The following TRAPPC9 variants were observed in gnomAD, a reference collection of about 807,000 sequenced individuals.
TRAPPC9 encodes the protein trafficking protein particle complex subunit 9.
TRAPPC9 carries 83 observed loss-of-function variants against 124.0 expected under a neutral mutation model. The ratio of observed to expected loss-of-function variants is 0.67; its 90% CI spans 0.56 to 0.80. TRAPPC9 has a LOEUF of 0.80. Among genes scored for constraint, TRAPPC9 ranks in the 30% least tolerant of loss-of-function variants. The pLI, the probability that TRAPPC9 is intolerant of heterozygous loss-of-function variation, is 0.00. For synonymous variants in TRAPPC9, 638 were observed against 617.5 expected, an observed-to-expected ratio of 1.03 and a Z score of -0.49; for missense variants, 1,302 against 1,508.3, an observed-to-expected ratio of 0.86 and a Z score of 2.27.
intron 16 of TRAPPC9, among the ~76,000 whole-genome samples, chr8:140,232,370 G>C (rs2063620111): frequency 6.6e-6 from 1 of 152,064 alleles, no homozygotes; most frequent in African/African-American, 2.4e-5. Context: ...CAAGTGGAGG[G>C]AGGAGGAACT....
At chr8:140,287,853 C>G (rs1478649302) in intron 12 of TRAPPC9, 119 bp from the exon 13 acceptor site, 9 of 1,401,536 alleles carry the variant, frequency 6.4e-6, no homozygotes, top group Non-Finnish European at 9.0e-6. Context: ...AAATCACCAA[C>G]AGTCTTCACA....
intron 7 of TRAPPC9, among the ~76,000 whole-genome samples, chr8:140,377,814 G>T (rs1012561724): frequency 2.0e-5 from 3 of 152,128 alleles, no homozygotes; most frequent in African/African-American, 7.2e-5. Context: ...TGTCAGATTA[G>T]ATGGACACGG....
intron 19 of TRAPPC9, among the ~76,000 whole-genome samples, chr8:139,916,931 C>T (rs1832173721): frequency 6.6e-6 from 1 of 152,144 alleles, no homozygotes; most frequent in East Asian, 1.9e-4. Context: ...ATATGTGAAT[C>T]GATTGCCTGT....
intron 19 of TRAPPC9, among the ~76,000 whole-genome samples, chr8:139,916,187 C>T (rs773265641): frequency 1.7e-4 from 26 of 152,242 alleles, no homozygotes; most frequent in Non-Finnish European, 2.9e-4. Flanking sequence ...TAGTCACCTT[C>T]GCTCACAATT....
intron 11 of TRAPPC9, among the ~76,000 whole-genome samples, chr8:140,298,538 C>T (rs891396202): frequency 3.3e-5 from 5 of 152,040 alleles, no homozygotes; most frequent in African/African-American, 1.2e-4. Flanking sequence ...TGTGGTCCCA[C>T]CCACTCGGGA....
chr8:139,988,148 G>A (rs909982882), intron 19 of TRAPPC9, among the ~76,000 whole-genome samples: 27 of 131,682 alleles, frequency 2.1e-4, no homozygotes, highest in African/African-American at 4.1e-4. Flanking sequence ...TCGCTCTGTC[G>A]CCCAGGCTGG....
intron 17 of TRAPPC9, chr8:140,095,417 AAC>A (rs1389087553): frequency 6.6e-6 from 1 of 152,200 alleles, no homozygotes; most frequent in Non-Finnish European, 1.5e-5. Context: ...TGTAATCTTG[AAC>A]AGTTACATTA....
At chr8:140,444,323 C>G (rs1040374942) in intron 2 of TRAPPC9, among the ~76,000 whole-genome samples, 32 of 152,062 alleles carry the variant, frequency 2.1e-4, no homozygotes, top group Admixed American at 1.5e-3. Context: ...CAGAACTATC[C>G]AACAGTCCCT....
In TRAPPC9 at chr8:140,252,809, CAGG is replaced by C. The variant is rs759859569; in HGVS notation, c.2396_2398del (p.Ser799del). ...GAGATCCTGCAGGAGATTCTCCTGG[CAGG>C]AGAAATCCAGCTTCACTTTGATGTT... On this transcript the variant is annotated inframe_deletion, in exon 16 of 23. Transcript: ENST00000438773. The surrounding 1 kb of genome is among the most constrained non-coding windows in gnomAD (Gnocchi z 4.2). The C allele has an allele frequency of 3.1e-6, 5 of 1,613,962 alleles. No homozygotes were observed. The East Asian group carries it at 8.9e-5, about 29-fold the overall frequency.
intron 5 of TRAPPC9, among the ~76,000 whole-genome samples, chr8:140,411,758 T>C (rs1017693925): frequency 6.6e-6 from 1 of 151,992 alleles, no homozygotes; most frequent in African/African-American, 2.4e-5. Flanking sequence ...ATCTAGCCAA[T>C]GAGCTACAAA....
At chr8:139,998,275 C>T (rs1838168710) in intron 18 of TRAPPC9, among the ~76,000 whole-genome samples, 2 of 152,172 alleles carry the variant, frequency 1.3e-5, no homozygotes, top group Non-Finnish European at 2.9e-5. Context: ...GAATCTCAGT[C>T]ATCAGTAGAA....
At chr8:140,118,106 C>T (rs996637850) in intron 17 of TRAPPC9, among the ~76,000 whole-genome samples, 1 of 152,152 alleles carries the variant, frequency 6.6e-6, no homozygotes, top group Non-Finnish European at 1.5e-5. Flanking sequence ...ACTATTAATC[C>T]CATTTAAATC....
rs199594228 is a variant in TRAPPC9 at position 140,115,457 on chromosome 8, C to T, written c.2557-91378G>A. Among the ~76,000 whole-genome samples, 52 of 152,050 alleles carry T rather than the reference C, an allele frequency of 3.4e-4. No individual in the cohort carries two copies. In the East Asian group the frequency reaches 8.3e-3, roughly 24 times the overall value. ...AATTTTTTTGTATTTTTAGTAGAGA[C>T]GGGGTTTCACCGTCTTGACCAGGCT... On this transcript the variant is annotated intron_variant, in intron 17 of 22. Coordinates refer to ENST00000438773, the MANE Select transcript of TRAPPC9 (RefSeq NM_001160372.4).
intron 20 of TRAPPC9, among the ~76,000 whole-genome samples, chr8:139,897,511 A>C (rs958043428): frequency 6.6e-6 from 1 of 152,220 alleles, no homozygotes; most frequent in African/African-American, 2.4e-5. Context: ...AGAGGAAGGG[A>C]CAGTACCCCA....
At chr8:140,325,025 G>A (rs1386818842) in intron 9 of TRAPPC9, among the ~76,000 whole-genome samples, 2 of 151,894 alleles carry the variant, frequency 1.3e-5, no homozygotes, top group Non-Finnish European at 2.9e-5. Flanking sequence ...GACCATTACA[G>A]TATTAAAACA....
At chr8:139,886,330 A>G (rs1830017523) in intron 20 of TRAPPC9, among the ~76,000 whole-genome samples, 2 of 152,238 alleles carry the variant, frequency 1.3e-5, no homozygotes, top group Admixed American at 6.5e-5. Context: ...TCACTGTTCA[A>G]TACAACCCAT....
In TRAPPC9 at chr8:139,776,537, AATTAGGAAGG is replaced by A. The variant is rs1223115587; in HGVS notation, c.3056-44345_3056-44336del. Among the ~76,000 whole-genome samples, 1 of 152,138 alleles carries A rather than the reference AATTAGGAAGG, an allele frequency of 6.6e-6. No homozygotes were observed. Among genetic ancestry groups the A allele is most frequent in the Non-Finnish European group, 1.5e-5 (1 of 68,016 alleles). ...AGCTTCATCGCAATAGCGACTGCCT[AATTAGGAAGG>A]CACAGCTGACCACCCAGGCCTCATT... is the stretch of plus-strand genomic sequence containing the variant. On this transcript the variant is annotated intron_variant, in intron 21 of 22. Coordinates refer to ENST00000438773, the MANE Select transcript of TRAPPC9 (RefSeq NM_001160372.4). This position sits in a 1 kb window ranked among gnomAD's most constrained non-coding sequence, Gnocchi z 4.1.
intron 16 of TRAPPC9, among the ~76,000 whole-genome samples, chr8:140,249,947 A>C (rs2064091761): frequency 6.6e-6 from 1 of 152,140 alleles, no homozygotes; most frequent in African/African-American, 2.4e-5. Flanking sequence ...TTATTTCCTA[A>C]GAACAAGAAT....
At chr8:139,781,608 G>T (rs569463959) in intron 21 of TRAPPC9, among the ~76,000 whole-genome samples, 9 of 152,356 alleles carry the variant, frequency 5.9e-5, no homozygotes, top group African/African-American at 1.7e-4. Flanking sequence ...GTGAACCTTA[G>T]TGAAAACTGA....
Sources: allele counts gnomAD v4.1 joint callset (sites outside exome capture counted in the v4.1 genomes callset), GRCh38; gene constraint gnomAD v4.1.1; non-coding constraint Gnocchi (gnomAD v3.1); transcripts MANE v1.5; gene names NCBI Gene and HGNC (gene_info 2026-07-23, HGNC 2026-07-21).